Variants in THRAP3 observed in about 807,000 individuals in gnomAD.
THRAP3 encodes thyroid hormone receptor-associated protein 3.
In THRAP3, 16 loss-of-function variants were observed where a neutral mutation model predicts 101.0. That is an observed-to-expected ratio of 0.16 (90% CI 0.11 to 0.24). The LOEUF is 0.24. Among genes scored for constraint, THRAP3 ranks in the 10% least tolerant of loss-of-function variants. The pLI is 1.00. For synonymous variants in THRAP3, 407 were observed against 422.6 expected, an observed-to-expected ratio of 0.96 and a Z score of 0.45; for missense variants, 989 against 1,202.7, an observed-to-expected ratio of 0.82 and a Z score of 2.63.
upstream of THRAP3, among the ~76,000 whole-genome samples, chr1:36,221,423 A>G (rs2124300995): frequency 6.6e-6 from 1 of 152,224 alleles, no homozygotes; most frequent in Admixed American, 6.5e-5. Context: ...AAAAAAAAGA[A>G]AGGAAGAGTA....
intron 2 of THRAP3, among the ~76,000 whole-genome samples, chr1:36,281,235 A>T (rs1215802601): frequency 6.6e-6 from 1 of 152,170 alleles, no homozygotes; most frequent in Non-Finnish European, 1.5e-5. Flanking sequence ...AGCTGGAACA[A>T]ATTGATGGTT....
At chr1:36,234,055 A>G (rs545928901) in intron 1 of THRAP3, among the ~76,000 whole-genome samples, 1 of 152,064 alleles carries the variant, frequency 6.6e-6, no homozygotes, top group Non-Finnish European at 1.5e-5. Context: ...TCTTGGGCCC[A>G]GGGAGTCCTC....
At chr1:36,216,524 G>T in the THRAP3 span, among the ~76,000 whole-genome samples, 1 of 148,414 alleles carries the variant, frequency 6.7e-6, no homozygotes, top group African/African-American at 2.5e-5. Context: ...AAAAAATGCC[G>T]GGTGTGGTGG....
chr1:36,289,473 G>A lies in THRAP3; in HGVS notation c.1454G>A (p.Arg485Lys), dbSNP rs377000495. The change falls in exon 5 of 12, where the codon AGA (arginine) becomes AAA (lysine). Residue 485 changes from arginine to lysine, a missense_variant. Coordinates refer to ENST00000354618, the MANE Select transcript of THRAP3 (RefSeq NM_005119.4). ...VYAPPGKEKQ[R>K]KTEELEEESF... ...GCACCTCCAGGGAAGGAAAAGCAGAGAAAAACAGAGGAGCTGGAGGAGGAG... is the reference window on the plus strand; with the variant it reads ...GCACCTCCAGGGAAGGAAAAGCAGAAAAAAACAGAGGAGCTGGAGGAGGAG... The A allele has an allele frequency of 1.5e-4, 238 of 1,614,216 alleles. 2 individuals carry two copies. The South Asian group carries it at 2.3e-3, about 16-fold the overall frequency.
intron 2 of THRAP3, among the ~76,000 whole-genome samples, chr1:36,276,147 G>A (rs1363820918): frequency 6.6e-6 from 1 of 151,770 alleles, no homozygotes; most frequent in East Asian, 1.9e-4. Flanking sequence ...GTGACCTTGG[G>A]TTAGACAAAA....
chr1:36,213,666 T>C, the THRAP3 span, among the ~76,000 whole-genome samples: 2 of 151,522 alleles, frequency 1.3e-5, no homozygotes, highest in South Asian at 2.1e-4. Context: ...GCCAACATAG[T>C]GAAACCCCGT....
At chr1:36,272,597 C>T (rs6686312) in intron 2 of THRAP3, among the ~76,000 whole-genome samples, 4,899 of 152,284 alleles carry the variant, frequency 0.032, 255 homozygotes, top group African/African-American at 0.11. Context: ...GCATTCAGAA[C>T]GCAAGTCAGG....
chr1:36,243,336 AC>A (rs1645186704), intron 1 of THRAP3, among the ~76,000 whole-genome samples: 1 of 151,468 alleles, frequency 6.6e-6, no homozygotes, highest in Non-Finnish European at 1.5e-5. Context: ...TAGGCAGAGG[AC>A]CCTGCGGCCT....
intron 2 of THRAP3, among the ~76,000 whole-genome samples, chr1:36,260,900 G>A (rs1465721297): frequency 6.6e-6 from 1 of 150,770 alleles, no homozygotes; most frequent in Non-Finnish European, 1.5e-5. Context: ...ACATTATTAT[G>A]ATTACGTAGC....
the THRAP3 span, among the ~76,000 whole-genome samples, chr1:36,214,466 C>A: frequency 6.6e-6 from 1 of 152,168 alleles, no homozygotes; most frequent in Non-Finnish European, 1.5e-5. Context: ...TGTCTCGTCT[C>A]ATCTGGAATA....
chr1:36,249,413 C>T (rs950748094), intron 1 of THRAP3, among the ~76,000 whole-genome samples: 4 of 151,496 alleles, frequency 2.6e-5, no homozygotes, highest in African/African-American at 9.7e-5. Flanking sequence ...GGATGATCTC[C>T]ATCTCCTGAC....
intron 2 of THRAP3, among the ~76,000 whole-genome samples, chr1:36,265,515 G>GT (rs1380183446): frequency 1.4e-5 from 2 of 143,492 alleles, no homozygotes; most frequent in East Asian, 4.1e-4. Flanking sequence ...GCATGGCACA[G>GT]TAAGTGTTCA....
chr1:36,266,462 C>T (rs1468427172), intron 2 of THRAP3, among the ~76,000 whole-genome samples: 1 of 152,188 alleles, frequency 6.6e-6, no homozygotes, highest in East Asian at 1.9e-4. Flanking sequence ...TGAATTTTCT[C>T]CACCTCTCTA....
intron 1 of THRAP3, among the ~76,000 whole-genome samples, chr1:36,249,631 G>A (rs943097083): frequency 2.0e-5 from 3 of 151,548 alleles, no homozygotes; most frequent in Admixed American, 2.0e-4. Context: ...GGTTTTACAA[G>A]AATTTACATT....
At chr1:36,251,371 A>G (rs2124454463) in intron 1 of THRAP3, among the ~76,000 whole-genome samples, 1 of 152,340 alleles carries the variant, frequency 6.6e-6, no homozygotes, top group East Asian at 1.9e-4. Context: ...ACCTCTCTGC[A>G]CAGCCCGAGA....
At chr1:36,209,463 G>A in the THRAP3 span, among the ~76,000 whole-genome samples, 1 of 152,286 alleles carries the variant, frequency 6.6e-6, no homozygotes, top group African/African-American at 2.4e-5. Context: ...GATGTCAGCA[G>A]TACTCCCCCA....
chr1:36,297,744 C>T lies in THRAP3; in HGVS notation c.2303+974C>T, dbSNP rs927186889. Reference sequence around the variant, plus strand: ...AGGCATGAGCCACCATGCCTGGCCGCGTTTTTATATCAGTTTTTCATAACC... The same window carrying T: ...AGGCATGAGCCACCATGCCTGGCCGTGTTTTTATATCAGTTTTTCATAACC... On this transcript the variant is annotated intron_variant, in intron 9 of 11. Transcript: ENST00000354618. Among the ~76,000 whole-genome samples, 16 of 151,600 alleles carry T rather than the reference C, an allele frequency of 1.1e-4. No individual in the cohort carries two copies. The East Asian group carries it at 2.1e-3, about 20-fold the overall frequency.
rs747470063 is a variant in THRAP3 at position 36,287,053 on chromosome 1, C to T, written c.823C>T (p.Pro275Ser). 3 of 1,613,634 alleles carry T rather than the reference C, an allele frequency of 1.9e-6. No individual in the cohort carries two copies. Among genetic ancestry groups the T allele is most frequent in the Admixed American group, 3.3e-5 (2 of 59,988 alleles). The change falls in exon 4 of 12, where the codon CCT (proline) becomes TCT (serine). Residue 275 changes from proline to serine, a missense_variant. Pro to Ser is a moderately conservative substitution (Grantham distance 74, BLOSUM62 -1). Transcript: ENST00000354618. Reference sequence around the variant, plus strand: ...TCCTAGCCCCGTGCCAAAACCTAGTCCTCCACTTTCCAGCACATCCCAGAT... The same window carrying T: ...TCCTAGCCCCGTGCCAAAACCTAGTTCTCCACTTTCCAGCACATCCCAGAT... ...PRPSPVPKPS[P>S]PLSSTSQMGS...
intron 3 of THRAP3, among the ~76,000 whole-genome samples, chr1:36,285,633 C>T (rs1230587345): frequency 4.6e-5 from 7 of 152,072 alleles, no homozygotes; most frequent in South Asian, 2.1e-4. Flanking sequence ...CTTTATGGTC[C>T]GATAGTGCCC....
Sources: allele counts gnomAD v4.1 joint callset (sites outside exome capture counted in the v4.1 genomes callset), GRCh38; gene constraint gnomAD v4.1.1; transcripts MANE v1.5; gene names NCBI Gene and HGNC (gene_info 2026-07-23, HGNC 2026-07-21).